Variants in GARRE1 observed in about 807,000 individuals in gnomAD.
GARRE1 encodes the protein granule associated Rac and RHOG effector 1, also known as granule associated Rac and RHOG effector protein 1.
In GARRE1, 49 loss-of-function variants were observed where a neutral mutation model predicts 103.2. The ratio of observed to expected loss-of-function variants is 0.47; its 90% CI spans 0.38 to 0.60. The LOEUF (loss-of-function observed/expected upper bound fraction) is 0.60. Among genes scored for constraint, GARRE1 ranks in the 20% least tolerant of loss-of-function variants. The pLI, the probability that GARRE1 is intolerant of heterozygous loss-of-function variation, is 0.00. For missense variants in GARRE1, 1,199 were observed against 1,370.5 expected (o/e 0.87, Z 1.98); for synonymous variants, 505 against 532.8 (o/e 0.95, Z 0.72).
intron 2 of GARRE1, among the ~76,000 whole-genome samples, chr19:34,316,498 G>A (rs1229262526): frequency 6.6e-6 from 1 of 152,190 alleles, no homozygotes; most frequent in African/African-American, 2.4e-5. Context: ...AGTGGGGTCT[G>A]TTTCAGGAGA....
chr19:34,314,366 A>G (rs556878840), intron 2 of GARRE1, among the ~76,000 whole-genome samples: 2 of 152,326 alleles, frequency 1.3e-5, no homozygotes, highest in South Asian at 2.1e-4. Context: ...AAAAATCTAT[A>G]GGTACAAATA....
rs1000058391 is a variant in GARRE1 at position 34,353,711 on chromosome 19, G to A, written c.*756G>A. The A allele has an allele frequency of 2.0e-5, 3 of 152,326 alleles. No homozygotes were observed. Among genetic ancestry groups the A allele is most frequent in the Admixed American group, 2.0e-4 (3 of 15,286 alleles). The allele number at this position is 152,326 out of a possible 1,614,324, so 9.4% of individuals were successfully genotyped here. On this transcript the variant is annotated 3_prime_UTR_variant, in exon 14 of 14. Coordinates refer to ENST00000299505, the MANE Select transcript of GARRE1 (RefSeq NM_014686.5). Reference sequence around the variant, plus strand: ...AGGTACACTGCTGAAGGTGCGTGGCGGTGGACCAGCCAGCTGCTGTCCATG... The same window carrying A: ...AGGTACACTGCTGAAGGTGCGTGGCAGTGGACCAGCCAGCTGCTGTCCATG...
intron 2 of GARRE1, among the ~76,000 whole-genome samples, chr19:34,307,698 CATATATACTTATATATAT>C (rs2074015140): frequency 8.3e-6 from 1 of 120,772 alleles, no homozygotes; most frequent in Non-Finnish European, 1.6e-5. Flanking sequence ...CTTATATATA[CATATATACTTATATATAT>C]ACTATATATA....
intron 3 of GARRE1, among the ~76,000 whole-genome samples, chr19:34,324,700 G>T (rs1482206525): frequency 6.6e-6 from 1 of 151,786 alleles, no homozygotes; most frequent in Admixed American, 6.6e-5. Flanking sequence ...TAAAGACAGG[G>T]TCTTGCTATG....
chr19:34,263,017 C>T (rs921115958), intron 1 of GARRE1, among the ~76,000 whole-genome samples: 1 of 151,872 alleles, frequency 6.6e-6, no homozygotes. Context: ...AGTTTGAGAC[C>T]AGCCTGACAA....
chr19:34,338,479 A>G (rs2074170815), intron 8 of GARRE1, among the ~76,000 whole-genome samples: 1 of 152,170 alleles, frequency 6.6e-6, no homozygotes, highest in Non-Finnish European at 1.5e-5. Flanking sequence ...CGAGGATAAC[A>G]GTGAGCTTTG....
chr19:34,325,561 A>T (rs931564753), intron 3 of GARRE1, among the ~76,000 whole-genome samples: 1 of 152,174 alleles, frequency 6.6e-6, no homozygotes, highest in Non-Finnish European at 1.5e-5. Flanking sequence ...CCAAAATCTT[A>T]TCCCAGATCT....
At chr19:34,332,480 A>G (rs767051103) in intron 7 of GARRE1, among the ~76,000 whole-genome samples, 7 of 152,120 alleles carry the variant, frequency 4.6e-5, no homozygotes, top group Non-Finnish European at 7.4e-5. Context: ...CATGTTATTC[A>G]GAGAGCAGAA....
intron 2 of GARRE1, among the ~76,000 whole-genome samples, chr19:34,313,215 A>G (rs1050341089): frequency 9.2e-5 from 14 of 152,216 alleles, no homozygotes; most frequent in African/African-American, 2.9e-4. Flanking sequence ...AAAGCTAGAG[A>G]ACTGAAGGAG....
In GARRE1 at chr19:34,352,910, C is replaced by G; in HGVS notation, c.3168C>G (p.Phe1056Leu). 1 of 1,553,654 alleles carries G rather than the reference C, an allele frequency of 6.4e-7. No homozygotes were observed. Among genetic ancestry groups the G allele is most frequent in the Non-Finnish European group, 8.7e-7 (1 of 1,143,284 alleles). Residue 1056 changes from phenylalanine (F) to leucine (L), a missense_variant, in exon 14 of 14, where the codon TTC becomes TTG. Coordinates refer to ENST00000299505, the MANE Select transcript of GARRE1 (RefSeq NM_014686.5). The stretch of plus-strand genomic sequence containing the variant: ...CAGCACCCAAGGGCTTCAAGGCCTT[C>G]CCTGGGAAGGGTGAGCGCAGGCCAG... Reference protein sequence around the residue: ...HKAAPKGFKAFPGKGERRPAY... With the variant: ...HKAAPKGFKALPGKGERRPAY...
intron 1 of GARRE1, among the ~76,000 whole-genome samples, chr19:34,255,383 A>G (rs1340825124): frequency 6.6e-6 from 1 of 152,210 alleles, no homozygotes. Context: ...CAGTTTGAAA[A>G]TACCTTGTTC....
At chr19:34,340,074 T>C (rs552590197) in intron 9 of GARRE1, 82 bp downstream of exon 9, 18 of 1,436,714 alleles carry the variant, frequency 1.3e-5, no homozygotes, top group South Asian at 9.4e-5. Flanking sequence ...GTGTCATTGA[T>C]AGTATACGGT....
At position 34,327,770 on chromosome 19, in the gene GARRE1, G is replaced by C; in HGVS notation, c.847-1G>C. 1.2e-6 allele frequency: 2 copies of C among 1,608,476 alleles called. No homozygotes were observed. Among genetic ancestry groups the C allele is most frequent in the Non-Finnish European group, 1.7e-6 (2 of 1,176,292 alleles). On this transcript the variant is annotated splice_acceptor_variant, in intron 4 of 13. Transcript: ENST00000299505. LOFTEE classifies it high-confidence loss of function. Reference sequence around the variant, plus strand: ...GATTGTTAAAAATAATTTATTTCCAGGCATATAAGATAGCTCTGGAAAGCT... The same window carrying C: ...GATTGTTAAAAATAATTTATTTCCACGCATATAAGATAGCTCTGGAAAGCT...
At position 34,352,980 on chromosome 19, in the gene GARRE1, CTG is replaced by C. The variant is rs1345222913; in HGVS notation, c.*26_*27del. The C allele has an allele frequency of 1.3e-5, 19 of 1,485,010 alleles. No individual in the cohort carries two copies. Among genetic ancestry groups the C allele is most frequent in the African/African-American group, 7.0e-5 (5 of 71,800 alleles). 92.0% of individuals were successfully genotyped at this position (1,485,010 alleles called of 1,614,324 possible). ...ACCCCAGGCCAGCCAGCCTGCCTGC[CTG>C]CCTGCCTGCCCGCCCAGAGCTGTGG... is the stretch of plus-strand genomic sequence containing the variant. On this transcript the variant is annotated 3_prime_UTR_variant, in exon 14 of 14. Coordinates refer to ENST00000299505, the MANE Select transcript of GARRE1 (RefSeq NM_014686.5).
chr19:34,307,370 A>C (rs573874894), intron 2 of GARRE1, among the ~76,000 whole-genome samples: 1 of 152,000 alleles, frequency 6.6e-6, no homozygotes, highest in Non-Finnish European at 1.5e-5. Context: ...TTGGTCCTCT[A>C]TGTAGGCAGT....
chr19:34,290,559 A>G lies in GARRE1; in HGVS notation c.-795-9120A>G, dbSNP rs141552054. Among the ~76,000 whole-genome samples, 84 of 151,828 alleles carry G rather than the reference A, an allele frequency of 5.5e-4. No homozygotes were observed. In the East Asian group the frequency reaches 0.016, roughly 28 times the overall value. Reference sequence around the variant, plus strand: ...GTTACCCAGGCTGGAGTACAAGGGCACAATTACAGATCACTGTAACCTCAA... The same window carrying G: ...GTTACCCAGGCTGGAGTACAAGGGCGCAATTACAGATCACTGTAACCTCAA... On this transcript the variant is annotated intron_variant, in intron 1 of 13. Transcript: ENST00000299505.
Position 34,342,358 on chromosome 19 carries a change from G to C in GARRE1, c.2424G>C (p.Gln808His). 1.2e-6 allele frequency: 2 copies of C among 1,614,202 alleles called. No homozygotes were observed. The highest frequency in any genetic ancestry group is 1.7e-6 in the Non-Finnish European group (2 of 1,180,032). ...MDNVMSEVLG[Q>H]KPQGPRNNTW... is the part of the protein sequence containing the mutation. ...ATGTGATGTCAGAGGTTCTGGGACA[G>C]AAGCCGCAGGGACCTAGAAATAACA... Residue 808 changes from glutamine (Q) to histidine (H), a missense_variant, in exon 10 of 14, where the codon CAG (glutamine) becomes CAC (histidine). Transcript: ENST00000299505.
intron 2 of GARRE1, among the ~76,000 whole-genome samples, chr19:34,306,573 T>A (rs2074008381): frequency 1.3e-5 from 2 of 152,176 alleles, no homozygotes; most frequent in African/African-American, 4.8e-5. Context: ...CCCGAGTGGT[T>A]CACCCTCACA....
chr19:34,271,696 C>CA (rs2073789087), intron 1 of GARRE1, among the ~76,000 whole-genome samples: 1 of 151,628 alleles, frequency 6.6e-6, no homozygotes, highest in Non-Finnish European at 1.5e-5. Flanking sequence ...CCCATCTCTA[C>CA]AAAAAATCAA....
Sources: gnomAD v4.1 joint callset for allele counts (sites outside exome capture counted in the v4.1 genomes callset) on GRCh38, gnomAD v4.1.1 for gene constraint, MANE v1.5 for transcripts, NCBI Gene and HGNC (gene_info 2026-07-23, HGNC 2026-07-21) for gene names.